The following TMEM163 variants were observed in gnomAD, a reference collection of about 807,000 sequenced individuals.
TMEM163 encodes transmembrane protein 163.
Under a neutral mutation model 29.3 loss-of-function variants are expected in TMEM163, and 17 were observed. That is an observed-to-expected ratio of 0.58 (90% CI 0.40 to 0.87). The LOEUF is 0.87. Among genes scored for constraint, TMEM163 ranks in the 40% least tolerant of loss-of-function variants. The probability of loss-of-function intolerance (pLI) is 0.00; values close to 1 mark genes in which losing one functional copy is unlikely to be tolerated. For synonymous variants in TMEM163, 157 were observed against 160.6 expected (o/e 0.98, Z 0.17); for missense variants, 303 against 381.5 (o/e 0.79, Z 1.71).
chr2:134,679,075 C>A (rs1684177859), intron 2 of TMEM163, among the ~76,000 whole-genome samples: 1 of 152,194 alleles, frequency 6.6e-6, no homozygotes, highest in Admixed American at 6.5e-5. Flanking sequence ...CAGTGTCTGT[C>A]CCTGGCCTAG....
At chr2:134,699,821 G>A (rs1414939101) in intron 2 of TMEM163, among the ~76,000 whole-genome samples, 1 of 152,098 alleles carries the variant, frequency 6.6e-6, no homozygotes, top group African/African-American at 2.4e-5. Context: ...ATTCACAAAT[G>A]TTTTATCTTC....
chr2:134,692,446 C>T (rs1424681544), intron 2 of TMEM163, among the ~76,000 whole-genome samples: 1 of 152,160 alleles, frequency 6.6e-6, no homozygotes, highest in Non-Finnish European at 1.5e-5. Flanking sequence ...CTGTCCTTTG[C>T]CGTTTCCCCT....
intron 5 of TMEM163, among the ~76,000 whole-genome samples, chr2:134,483,600 C>G (rs981280965): frequency 2.6e-5 from 4 of 151,992 alleles, no homozygotes; most frequent in African/African-American, 9.7e-5. Context: ...GTCACAAGAC[C>G]CCTGCGAGGT....
chr2:134,674,838 A>G (rs2104869997), intron 2 of TMEM163, among the ~76,000 whole-genome samples: 1 of 152,298 alleles, frequency 6.6e-6, no homozygotes, highest in Admixed American at 6.5e-5. Context: ...ACATCTACCC[A>G]GCAACTGCCT....
intron 2 of TMEM163, among the ~76,000 whole-genome samples, chr2:134,649,265 A>C (rs2104846158): frequency 6.6e-6 from 1 of 152,330 alleles, no homozygotes; most frequent in South Asian, 2.1e-4. Context: ...CAAAACAAAA[A>C]CAAACACTTG....
intron 5 of TMEM163, among the ~76,000 whole-genome samples, chr2:134,493,150 C>G (rs1166363937): frequency 6.6e-6 from 1 of 152,052 alleles, no homozygotes; most frequent in East Asian, 1.9e-4. Context: ...TATAAATTAT[C>G]TGCATAAATC....
intron 2 of TMEM163, among the ~76,000 whole-genome samples, chr2:134,665,907 T>C (rs1683863444): frequency 6.6e-6 from 1 of 152,188 alleles, no homozygotes; most frequent in African/African-American, 2.4e-5. Context: ...TCTGCAGCTG[T>C]TATTATTTTT....
At chr2:134,533,281 T>C (rs1680453619) in intron 4 of TMEM163, among the ~76,000 whole-genome samples, 1 of 152,218 alleles carries the variant, frequency 6.6e-6, no homozygotes, top group African/African-American at 2.4e-5. Flanking sequence ...TGGTTTTATG[T>C]TAAGAGAAAG....
At chr2:134,537,733 G>A (rs570733592) in intron 4 of TMEM163, among the ~76,000 whole-genome samples, 1 of 152,280 alleles carries the variant, frequency 6.6e-6, no homozygotes, top group East Asian at 1.9e-4. Flanking sequence ...CTGACTTTGT[G>A]CCATTAAAAT....
intron 2 of TMEM163, among the ~76,000 whole-genome samples, chr2:134,704,263 G>C (rs955727623): frequency 3.3e-5 from 5 of 152,128 alleles, no homozygotes; most frequent in Non-Finnish European, 7.4e-5. Context: ...AGATGCCTTG[G>C]TGTGTCTCCT....
At chr2:134,660,420 G>C (rs1019300327) in intron 2 of TMEM163, among the ~76,000 whole-genome samples, 2 of 152,114 alleles carry the variant, frequency 1.3e-5, no homozygotes, top group African/African-American at 2.4e-5. Context: ...GCATATTTTG[G>C]ATGATTACTA....
At chr2:134,616,260 G>C (rs537511483) in intron 2 of TMEM163, among the ~76,000 whole-genome samples, 47 of 152,310 alleles carry the variant, frequency 3.1e-4, no homozygotes, top group African/African-American at 1.1e-3. Context: ...CAAAGCTTTA[G>C]CAGAAAAATA....
At chr2:134,601,908 G>A (rs1205182622) in intron 2 of TMEM163, among the ~76,000 whole-genome samples, 2 of 152,178 alleles carry the variant, frequency 1.3e-5, no homozygotes, top group Admixed American at 6.5e-5. Context: ...AGGTGAGATT[G>A]TAGCAAAGAC....
At chr2:134,527,333 G>A (rs1019757877) in intron 4 of TMEM163, among the ~76,000 whole-genome samples, 4 of 152,008 alleles carry the variant, frequency 2.6e-5, no homozygotes, top group African/African-American at 9.7e-5. Context: ...GAGAGAGAGA[G>A]GAAGGAAGGG....
At chr2:134,568,509 C>A (rs1681347131) in intron 2 of TMEM163, among the ~76,000 whole-genome samples, 1 of 144,206 alleles carries the variant, frequency 6.9e-6, no homozygotes, top group Non-Finnish European at 1.5e-5. Flanking sequence ...CTGGGTGACA[C>A]AGTGAGACTC....
intron 2 of TMEM163, among the ~76,000 whole-genome samples, chr2:134,629,025 T>A (rs1015902945): frequency 1.3e-5 from 2 of 152,246 alleles, no homozygotes; most frequent in South Asian, 4.1e-4. Context: ...TTGCAAAATA[T>A]GACCTTACAT....
intron 2 of TMEM163, among the ~76,000 whole-genome samples, chr2:134,656,608 T>C (rs961430703): frequency 7.9e-5 from 12 of 152,360 alleles, no homozygotes; most frequent in Admixed American, 5.2e-4. Flanking sequence ...CTGACTGCTC[T>C]GGCAAGGTCA....
intron 2 of TMEM163, among the ~76,000 whole-genome samples, chr2:134,597,267 T>G (rs1469478672): frequency 6.6e-6 from 1 of 152,232 alleles, no homozygotes; most frequent in African/African-American, 2.4e-5. Context: ...AGATAGCTCT[T>G]ATTATTTTGA....
At position 134,542,310 on chromosome 2, in the gene TMEM163, C is replaced by G. The variant is rs1680693781; in HGVS notation, c.458+8260G>C. The stretch of plus-strand genomic sequence containing the variant: ...TCCCTCCCTTTCATGGATGAGAAAA[C>G]TGGGGTTCTGAAAGATGAATAAATC... On this transcript the variant is annotated intron_variant, in intron 4 of 7. Transcript: ENST00000281924. Among the ~76,000 whole-genome samples, 3 of 152,176 alleles carry G rather than the reference C, an allele frequency of 2.0e-5. No individual in the cohort carries two copies. In the South Asian group the frequency reaches 6.2e-4, roughly 31 times the overall value.
Sources: gnomAD v4.1 joint callset for allele counts (sites outside exome capture counted in the v4.1 genomes callset) on GRCh38, gnomAD v4.1.1 for gene constraint, MANE v1.5 for transcripts, NCBI Gene and HGNC (gene_info 2026-07-23, HGNC 2026-07-21) for gene names.